The following NRXN1 variants were observed in gnomAD, a reference collection of about 807,000 sequenced individuals.
The protein encoded by NRXN1 is neurexin-1.
Under a neutral mutation model 150.9 loss-of-function variants are expected in NRXN1, and 39 were observed. The observed-to-expected ratio is 0.26, with a 90% confidence interval of 0.20 to 0.34. NRXN1 has a LOEUF of 0.34. Among genes scored for constraint, NRXN1 ranks in the 10% least tolerant of loss-of-function variants. NRXN1 has a pLI of 1.00. For missense variants in NRXN1, 1,815 were observed against 1,949.9 expected, an observed-to-expected ratio of 0.93 and a Z score of 1.30; for synonymous variants, 924 against 757.0, an observed-to-expected ratio of 1.22 and a Z score of -3.62.
At chr2:50,040,973 G>A (rs928727615) in intron 21 of NRXN1, among the ~76,000 whole-genome samples, 1 of 151,816 alleles carries the variant, frequency 6.6e-6, no homozygotes, top group South Asian at 2.1e-4. Flanking sequence ...CCATTAACTC[G>A]TCATTTACAT....
chr2:50,758,640 C>T (rs1374148369), intron 5 of NRXN1, among the ~76,000 whole-genome samples: 2 of 151,882 alleles, frequency 1.3e-5, no homozygotes, highest in Admixed American at 6.6e-5. Context: ...GTCATTCTGG[C>T]TTGTTTTCTT....
chr2:50,082,021 T>C (rs1698046167), intron 19 of NRXN1, among the ~76,000 whole-genome samples: 2 of 152,220 alleles, frequency 1.3e-5, no homozygotes, highest in Non-Finnish European at 2.9e-5. Context: ...GTAAATACCA[T>C]CTGAAGTTTC....
At chr2:50,859,709 C>T (rs6710741) in intron 5 of NRXN1, among the ~76,000 whole-genome samples, 2 of 151,452 alleles carry the variant, frequency 1.3e-5, no homozygotes, top group East Asian at 3.9e-4. Context: ...TACAGAGTAC[C>T]CACAGTTCTC....
intron 17 of NRXN1, among the ~76,000 whole-genome samples, chr2:50,420,262 T>C (rs1387223166): frequency 1.3e-5 from 2 of 151,976 alleles, no homozygotes; most frequent in African/African-American, 4.8e-5. Context: ...TATGAAACCA[T>C]ACTTGGCAGA....
At chr2:50,300,769 C>G (rs2074073163) in intron 17 of NRXN1, among the ~76,000 whole-genome samples, 1 of 152,186 alleles carries the variant, frequency 6.6e-6, no homozygotes. Context: ...TATCTTGGCT[C>G]ACTGCAATCT....
At chr2:50,575,858 G>A (rs1432204537) in intron 8 of NRXN1, among the ~76,000 whole-genome samples, 1 of 152,140 alleles carries the variant, frequency 6.6e-6, no homozygotes, top group East Asian at 1.9e-4. Flanking sequence ...TGGAGGCAAA[G>A]CATGACTTCT....
intron 5 of NRXN1, among the ~76,000 whole-genome samples, chr2:50,666,879 A>ATGATG (rs1237981785): frequency 0.029 from 3,147 of 107,696 alleles, 42 homozygotes; most frequent in African/African-American, 0.033. Context: ...GATGATGATG[A>ATGATG]TGTGTGTGTG....
At chr2:50,400,605 G>A (rs2082330316) in intron 17 of NRXN1, among the ~76,000 whole-genome samples, 1 of 152,036 alleles carries the variant, frequency 6.6e-6, no homozygotes, top group South Asian at 2.1e-4. Flanking sequence ...CCAGGTGAAA[G>A]GACATTAAAA....
chr2:50,359,961 T>C (rs868761486), intron 17 of NRXN1, among the ~76,000 whole-genome samples: 13 of 152,232 alleles, frequency 8.5e-5, no homozygotes, highest in Middle Eastern at 3.4e-3. Flanking sequence ...TTCAACATTC[T>C]TAAAGAAAAG....
intron 21 of NRXN1, among the ~76,000 whole-genome samples, chr2:50,025,693 C>T (rs1009496258): frequency 6.6e-6 from 1 of 152,112 alleles, no homozygotes; most frequent in Non-Finnish European, 1.5e-5. Flanking sequence ...TCTATAGTGC[C>T]AGGAATGTTG....
At chr2:50,189,149 A>C (rs1418527612) in intron 18 of NRXN1, among the ~76,000 whole-genome samples, 8 of 152,214 alleles carry the variant, frequency 5.3e-5, no homozygotes, top group African/African-American at 1.9e-4. Context: ...TGGATAAAGA[A>C]AATGTGGCAC....
intron 5 of NRXN1, among the ~76,000 whole-genome samples, chr2:50,665,231 A>C (rs1444845939): frequency 6.6e-6 from 1 of 151,942 alleles, no homozygotes; most frequent in African/African-American, 2.4e-5. Context: ...CCAGTTAATA[A>C]AATAGACTCT....
At position 50,318,451 on chromosome 2, in the gene NRXN1, G is replaced by T. The variant is rs115062292; in HGVS notation, c.3365-81481C>A. On this transcript the variant is annotated intron_variant, in intron 17 of 22. Transcript: ENST00000401669. Reference sequence around the variant, plus strand: ...ACTGCTCCTGAGTCTATGCCCTAGAGAAATTCTTGTGCATGATCCAGAGTC... The same window carrying T: ...ACTGCTCCTGAGTCTATGCCCTAGATAAATTCTTGTGCATGATCCAGAGTC... Among the ~76,000 whole-genome samples the T allele has an allele frequency of 9.4e-3, 1,435 of 152,152 alleles. 26 individuals are homozygous for T. The highest frequency in any genetic ancestry group is 0.032 in the African/African-American group (1,346 of 41,510).
intron 15 of NRXN1, among the ~76,000 whole-genome samples, chr2:50,482,758 A>C (rs2104797573): frequency 6.6e-6 from 1 of 152,282 alleles, no homozygotes; most frequent in South Asian, 2.1e-4. Context: ...AGGTCCACAT[A>C]AGATACAGGT....
At chr2:50,246,337 C>A (rs1048408265) in intron 17 of NRXN1, among the ~76,000 whole-genome samples, 1 of 151,882 alleles carries the variant, frequency 6.6e-6, no homozygotes, top group Non-Finnish European at 1.5e-5. Context: ...TTGTCCTTAG[C>A]AATGGAATTA....
At chr2:50,465,584 C>T (rs756233443) in intron 16 of NRXN1, 23 bp from the exon 17 acceptor site, 3 of 1,583,690 alleles carry the variant, frequency 1.9e-6, no homozygotes, top group Non-Finnish European at 2.6e-6. Context: ...CCAAAGGAAA[C>T]TTGGGTTCTT....
At chr2:50,971,766 ACAGT>A (rs757839837) in intron 2 of NRXN1, among the ~76,000 whole-genome samples, 46 of 152,234 alleles carry the variant, frequency 3.0e-4, no homozygotes, top group East Asian at 1.9e-3. Flanking sequence ...TAAACATTAC[ACAGT>A]CAGTGTTTAA....
At chr2:50,426,368 T>C (rs556295671) in intron 17 of NRXN1, among the ~76,000 whole-genome samples, 80 of 152,320 alleles carry the variant, frequency 5.3e-4, no homozygotes, top group African/African-American at 1.8e-3. Context: ...CTTATCCTAG[T>C]ATACCTCCTC....
intron 17 of NRXN1, among the ~76,000 whole-genome samples, chr2:50,362,153 G>C (rs2079258667): frequency 6.6e-6 from 1 of 152,022 alleles, no homozygotes; most frequent in African/African-American, 2.4e-5. Context: ...ATACTGAAGG[G>C]GCAAAAGCTG....
Sources: allele counts gnomAD v4.1 joint callset (sites outside exome capture counted in the v4.1 genomes callset), GRCh38; gene constraint gnomAD v4.1.1; transcripts MANE v1.5; gene names NCBI Gene and HGNC (gene_info 2026-07-23, HGNC 2026-07-21).